Variants in PDZRN4 observed in about 807,000 individuals in gnomAD.
PDZRN4 encodes the protein PDZ domain containing ring finger 4.
In PDZRN4, 70 loss-of-function variants were observed where a neutral mutation model predicts 99.0. The observed-to-expected ratio is 0.71, with a 90% CI of 0.58 to 0.86. The LOEUF is 0.86. Among genes scored for constraint, PDZRN4 ranks in the 40% least tolerant of loss-of-function variants. The probability of loss-of-function intolerance (pLI) is 0.00; values close to 1 mark genes in which losing one functional copy is unlikely to be tolerated. For synonymous variants in PDZRN4, 551 were observed against 501.6 expected, an observed-to-expected ratio of 1.10 and a Z score of -1.32; for missense variants, 1,474 against 1,331.2, an observed-to-expected ratio of 1.11 and a Z score of -1.67.
At chr12:41,287,126 A>G (rs937535263) in intron 3 of PDZRN4, among the ~76,000 whole-genome samples, 3 of 152,168 alleles carry the variant, frequency 2.0e-5, no homozygotes, top group Non-Finnish European at 2.9e-5. Flanking sequence ...TAAATCATTC[A>G]AAAATCTTCT....
At position 41,573,806 on chromosome 12, in the gene PDZRN4, A is replaced by G; in HGVS notation, c.3027A>G (p.Thr1009=). The G allele has an allele frequency of 6.2e-7, 1 of 1,613,280 alleles. No homozygotes were observed. The highest frequency in any genetic ancestry group is 1.1e-5 in the South Asian group (1 of 90,970). Reference sequence around the variant, plus strand: ...AGAAAATTTTGGACAACTGGATGACAATCCAAGAACTGATGACCCATGGGG... The same window carrying G: ...AGAAAATTTTGGACAACTGGATGACGATCCAAGAACTGATGACCCATGGGG... The part of the protein sequence containing the change: ...RNKKILDNWM[T]IQELMTHGAK... Residue 1009 remains threonine, a synonymous_variant, in exon 10 of 10, where the codon ACA becomes ACG. Coordinates refer to ENST00000402685, the MANE Select transcript of PDZRN4 (RefSeq NM_001164595.2).
At chr12:41,409,852 G>T (rs966075121) in intron 3 of PDZRN4, 1 of 152,096 alleles carries the variant, frequency 6.6e-6, no homozygotes, top group South Asian at 2.1e-4. Flanking sequence ...GTAGCCCCAG[G>T]TATTCCTTAG....
rs1463075683 is a variant in PDZRN4, at chr12:41,194,080, G to C, written c.736-1G>C. ...TTCTGCTAATGATTTTTTAAAAATA[G>C]AATAATCAGGAAGGAACATCGACTG... On this transcript the variant is annotated splice_acceptor_variant, in intron 2 of 9. Transcript: ENST00000402685. LOFTEE classifies it high-confidence loss of function. 14 of 1,372,736 alleles carry C rather than the reference G, an allele frequency of 1.0e-5. No individual in the cohort carries two copies. Among genetic ancestry groups the C allele is most frequent in the Non-Finnish European group, 1.4e-5 (14 of 975,994 alleles). The allele number at this position is 1,372,736 out of a possible 1,614,324, so 85.0% of individuals were successfully genotyped here. A position where few individuals can be genotyped will look rare whatever the true frequency, so the allele number is the denominator to read the frequency against.
rs548771849 is a variant in PDZRN4, at chr12:41,362,602, A to G, written c.844-143854A>G. ...CAAGTTTAGCATATATCTATCTTCA[A>G]ATGAAAGAAGCAAACTTGTCTTTTC... On this transcript the variant is annotated intron_variant, in intron 3 of 9. Coordinates refer to ENST00000402685, the MANE Select transcript of PDZRN4 (RefSeq NM_001164595.2). Among the ~76,000 whole-genome samples, 432 of 152,152 alleles carry G rather than the reference A, an allele frequency of 2.8e-3. 1 individual carries two copies. The highest frequency in any genetic ancestry group is 9.5e-3 in the African/African-American group (396 of 41,534).
intron 5 of PDZRN4, among the ~76,000 whole-genome samples, chr12:41,542,517 T>C (rs955692052): frequency 1.3e-5 from 2 of 152,192 alleles, no homozygotes; most frequent in African/African-American, 2.4e-5. Context: ...GATAATACGC[T>C]TCATTCAGCA....
chr12:41,225,444 T>C (rs1950987033), intron 3 of PDZRN4, among the ~76,000 whole-genome samples: 1 of 151,930 alleles, frequency 6.6e-6, no homozygotes, highest in Non-Finnish European at 1.5e-5. Context: ...TGTTTTTTTT[T>C]TCTGATGTCA....
intron 3 of PDZRN4, among the ~76,000 whole-genome samples, chr12:41,324,301 C>A (rs1190244776): frequency 2.0e-5 from 3 of 151,874 alleles, no homozygotes; most frequent in African/African-American, 7.3e-5. Flanking sequence ...CTAGGTAAAA[C>A]AAGTGTTTGA....
At chr12:41,565,997 A>G (rs1422599895) in intron 8 of PDZRN4, among the ~76,000 whole-genome samples, 2 of 152,174 alleles carry the variant, frequency 1.3e-5, no homozygotes, top group African/African-American at 4.8e-5. Flanking sequence ...TAGTGAATGT[A>G]CATCTAGGTA....
chr12:41,568,237 G>C (rs1939412955), intron 9 of PDZRN4, among the ~76,000 whole-genome samples: 2 of 151,876 alleles, frequency 1.3e-5, no homozygotes, highest in Non-Finnish European at 2.9e-5. Context: ...AACAAACTGA[G>C]GTAGCTTCCC....
intron 3 of PDZRN4, among the ~76,000 whole-genome samples, chr12:41,262,788 G>A (rs1176171580): frequency 6.6e-6 from 1 of 152,144 alleles, no homozygotes; most frequent in Admixed American, 6.5e-5. Flanking sequence ...TATCATTTTA[G>A]ATGGATTCTA....
In PDZRN4 at chr12:41,188,818, G is replaced by T; in HGVS notation, c.363G>T (p.Gly121=). 1 of 1,331,356 alleles carries T rather than the reference G, an allele frequency of 7.5e-7. No homozygotes were observed. The highest frequency in any genetic ancestry group is 9.6e-7 in the Non-Finnish European group (1 of 1,046,526). 82.5% of individuals were successfully genotyped at this position (1,331,356 alleles called of 1,614,324 possible). The change falls in exon 1 of 10, where the codon GGG becomes GGT. Residue 121 remains glycine (G), a synonymous_variant. Coordinates refer to ENST00000402685, the MANE Select transcript of PDZRN4 (RefSeq NM_001164595.2). ...GCAGCCGCGGGGGCTGCGCTTCGGGGCTGGGCGGTGGTGAGGTGCCCGCGC... is the reference window on the plus strand; with the variant it reads ...GCAGCCGCGGGGGCTGCGCTTCGGGTCTGGGCGGTGGTGAGGTGCCCGCGC... ...RLRSRGGCAS[G]LGGGEVPARG...
At chr12:41,219,420 T>G (rs1950939817) in intron 3 of PDZRN4, among the ~76,000 whole-genome samples, 1 of 152,134 alleles carries the variant, frequency 6.6e-6, no homozygotes, top group Admixed American at 6.6e-5. Flanking sequence ...AAATATTTTA[T>G]TATTAAAAAT....
At chr12:41,344,064 TTA>T (rs1289601513) in intron 3 of PDZRN4, among the ~76,000 whole-genome samples, 2 of 152,094 alleles carry the variant, frequency 1.3e-5, no homozygotes, top group East Asian at 1.9e-4. Context: ...CACAGACATT[TTA>T]TGTTTCTTTC....
rs59008796 is a variant in PDZRN4 at position 41,536,761 on chromosome 12, T to TAAAAAAAAAAAAA, written c.1204-15883_1204-15882insAAAAAAAAAAAAA. Among the ~76,000 whole-genome samples the TAAAAAAAAAAAAA allele has an allele frequency of 2.3e-3, 314 of 137,256 alleles. 2 individuals carry two copies. In the South Asian group the frequency reaches 0.025, roughly 11 times the overall value. The allele number at this position is 137,256 out of a possible 152,430, so 90.0% of individuals were successfully genotyped here. A position where few individuals can be genotyped will look rare whatever the true frequency, so the allele number is the denominator to read the frequency against. Reference sequence around the variant, plus strand: ...GAAAAAAATAACATCTATTGAAAAGTAAAAAAAAAAAACCCTTCTTGATTT... The same window carrying TAAAAAAAAAAAAA: ...GAAAAAAATAACATCTATTGAAAAGTAAAAAAAAAAAAAAAAAAAAAAAAACCCTTCTTGATTT... On this transcript the variant is annotated intron_variant, in intron 5 of 9. Transcript: ENST00000402685.
chr12:41,572,262 T>G, intron 9 of PDZRN4, 102 bp from the exon 10 acceptor site: 2 of 942,774 alleles, frequency 2.1e-6, no homozygotes, highest in Non-Finnish European at 3.1e-6. Context: ...GTCTAGGAGA[T>G]GCAACTTTGC....
Position 41,226,689 on chromosome 12 carries a change from T to A in PDZRN4, c.843+32501T>A, listed in dbSNP as rs544901787. 2.6e-5 allele frequency among the ~76,000 whole-genome samples: 4 copies of A among 152,318 alleles called. No homozygotes were observed. The East Asian group carries it at 7.7e-4, about 29-fold the overall frequency. ...ATAAAAAATGTGTGTGGCTTAAATA[T>A]TGGCCACATGATTCAAATTTGTAAT... On this transcript the variant is annotated intron_variant, in intron 3 of 9. Transcript: ENST00000402685.
At chr12:41,196,006 C>T (rs907038571) in intron 3 of PDZRN4, among the ~76,000 whole-genome samples, 17 of 152,144 alleles carry the variant, frequency 1.1e-4, no homozygotes, top group African/African-American at 4.1e-4. Context: ...CTTATTCTAG[C>T]TAGATGACAA....
At chr12:41,550,068 A>G (rs776682276) in intron 5 of PDZRN4, among the ~76,000 whole-genome samples, 1 of 152,210 alleles carries the variant, frequency 6.6e-6, no homozygotes, top group Admixed American at 6.5e-5. Context: ...TGTGGTGTCG[A>G]AGAATTATAG....
At chr12:41,371,560 A>G (rs1360679555) in intron 3 of PDZRN4, among the ~76,000 whole-genome samples, 1 of 152,128 alleles carries the variant, frequency 6.6e-6, no homozygotes, top group Non-Finnish European at 1.5e-5. Context: ...CAAACAAAAA[A>G]AGAAAGAAAA....
Sources: allele counts gnomAD v4.1 joint callset (sites outside exome capture counted in the v4.1 genomes callset), GRCh38; gene constraint gnomAD v4.1.1; transcripts MANE v1.5; gene names NCBI Gene and HGNC (gene_info 2026-07-23, HGNC 2026-07-21).